The following EYS variants were observed in gnomAD, a reference collection of about 807,000 sequenced individuals.
EYS encodes the protein protein eyes shut homolog.
Under a neutral mutation model 282.1 loss-of-function variants are expected in EYS, and 250 were observed. The ratio of observed to expected loss-of-function variants is 0.89; its 90% confidence interval spans 0.80 to 0.98. The LOEUF is 0.98. EYS is among the 50% of genes least tolerant of loss of function. The probability of loss-of-function intolerance (pLI) is 0.00; values close to 1 mark genes in which losing one functional copy is unlikely to be tolerated. For synonymous variants in EYS, 1,355 were observed against 1,282.9 expected (o/e 1.06, Z -1.20); for missense variants, 4,016 against 3,709.0 (o/e 1.08, Z -2.15).
chr6:63,770,722 T>A (rs1562018304), intron 40 of EYS, among the ~76,000 whole-genome samples: 1 of 152,156 alleles, frequency 6.6e-6, no homozygotes, highest in Non-Finnish European at 1.5e-5. Context: ...AAGTGTGATA[T>A]GATGTATAAC....
At chr6:64,620,072 T>A (rs1767396529) in intron 23 of EYS, among the ~76,000 whole-genome samples, 1 of 151,958 alleles carries the variant, frequency 6.6e-6, no homozygotes, top group African/African-American at 2.4e-5. Flanking sequence ...GAAACAGAAA[T>A]CACTCTAGTT....
At chr6:65,669,512 GC>G (rs1768313407) in intron 1 of EYS, among the ~76,000 whole-genome samples, 1 of 151,948 alleles carries the variant, frequency 6.6e-6, no homozygotes, top group African/African-American at 2.4e-5. Context: ...GCCAGAGAAT[GC>G]TTTGTCCTTC....
chr6:63,984,512 A>G lies in EYS; in HGVS notation c.6926T>C (p.Ile2309Thr), dbSNP rs912425742. 1.9e-6 allele frequency: 3 copies of G among 1,549,568 alleles called. No individual in the cohort carries two copies. The highest frequency in any genetic ancestry group is 2.0e-5 in the Admixed American group (1 of 50,874). The change falls in exon 35 of 43, where the codon ATT becomes ACT. Residue 2309 changes from isoleucine (I) to threonine (T), a missense_variant. Ile to Thr is a moderately conservative substitution (Grantham distance 89). Coordinates refer to ENST00000503581, the MANE Select transcript of EYS (RefSeq NM_001142800.2). Reference sequence around the variant, plus strand: ...TTTGTTGTTTACTTGAAGGTCTAGAATGCAGCCCCTGAACCCATAAACAGG... The same window carrying G: ...TTTGTTGTTTACTTGAAGGTCTAGAGTGCAGCCCCTGAACCCATAAACAGG... ...AGPVYGFRGC[I>T]LDLQVNNKEF...
intron 29 of EYS, among the ~76,000 whole-genome samples, chr6:64,309,129 A>G (rs1291351859): frequency 6.6e-6 from 1 of 152,152 alleles, no homozygotes; most frequent in African/African-American, 2.4e-5. Flanking sequence ...TAAATCTGAC[A>G]TAGCTCAGCA....
intron 12 of EYS, among the ~76,000 whole-genome samples, chr6:65,104,489 T>C (rs577106851): frequency 6.6e-6 from 1 of 151,586 alleles, no homozygotes; most frequent in Admixed American, 6.6e-5. Flanking sequence ...TCATCCTAAA[T>C]GCAGATGTTG....
intron 31 of EYS, among the ~76,000 whole-genome samples, chr6:64,082,912 CTT>C (rs34941425): frequency 1.5e-4 from 22 of 142,466 alleles, no homozygotes; most frequent in Non-Finnish European, 2.3e-4. Flanking sequence ...AATGCAACTT[CTT>C]TTTTTTTTTT....
chr6:64,363,593 G>C (rs962561178), intron 29 of EYS, among the ~76,000 whole-genome samples: 5 of 151,668 alleles, frequency 3.3e-5, no homozygotes, highest in Admixed American at 3.3e-4. Flanking sequence ...TAAGTTACTT[G>C]TTTTTTTGTA....
chr6:65,094,541 A>G (rs1246770099), intron 12 of EYS, among the ~76,000 whole-genome samples: 1 of 151,424 alleles, frequency 6.6e-6, no homozygotes, highest in Non-Finnish European at 1.5e-5. Context: ...CCAACCACAA[A>G]GAAATGAAAC....
At chr6:64,514,758 TTG>T (rs1237660230) in intron 26 of EYS, among the ~76,000 whole-genome samples, 1 of 151,774 alleles carries the variant, frequency 6.6e-6, no homozygotes, top group Non-Finnish European at 1.5e-5. Context: ...AGCATCATAA[TTG>T]TCAAAGGAAG....
intron 2 of EYS, among the ~76,000 whole-genome samples, chr6:65,592,547 T>C (rs1306082266): frequency 6.6e-6 from 1 of 151,974 alleles, no homozygotes; most frequent in African/African-American, 2.4e-5. Flanking sequence ...GATAAGTGAT[T>C]GACATATGCT....
chr6:64,689,558 A>G (rs568543717), intron 22 of EYS, among the ~76,000 whole-genome samples: 2 of 152,090 alleles, frequency 1.3e-5, no homozygotes, highest in Non-Finnish European at 2.9e-5. Flanking sequence ...GAGGCATCAC[A>G]CTACCTGACT....
chr6:63,864,289 A>G lies in EYS; in HGVS notation c.7125T>C (p.Cys2375=), dbSNP rs2149709718. ...CACCATTTCCACATGGGTTGTTTTC[A>G]CAACTTGCAAACTGGCACAGCTTGC... ...YSGKLCQFAS[C]ENNPCGNGAT... is the part of the protein sequence containing the mutation. Residue 2375 remains cysteine (C), a synonymous_variant, in exon 36 of 43, where the codon TGT becomes TGC. Coordinates refer to ENST00000503581, the MANE Select transcript of EYS (RefSeq NM_001142800.2). 6 of 1,551,660 alleles carry G rather than the reference A, an allele frequency of 3.9e-6. No individual in the cohort carries two copies. Among genetic ancestry groups the G allele is most frequent in the Non-Finnish European group, 5.2e-6 (6 of 1,146,928 alleles).
chr6:64,350,500 C>A (rs1190183383), intron 29 of EYS, among the ~76,000 whole-genome samples: 1 of 151,436 alleles, frequency 6.6e-6, no homozygotes, highest in Non-Finnish European at 1.5e-5. Flanking sequence ...AAGGAGAGAG[C>A]CAGTTGTATG....
At chr6:64,343,098 A>T (rs1199819236) in intron 29 of EYS, among the ~76,000 whole-genome samples, 4 of 152,062 alleles carry the variant, frequency 2.6e-5, no homozygotes, top group African/African-American at 4.8e-5. Flanking sequence ...CTCCCACACA[A>T]TAATAATGGG....
At chr6:65,511,984 C>CAAAAAAA (rs11368301) in intron 2 of EYS, among the ~76,000 whole-genome samples, 2 of 94,832 alleles carry the variant, frequency 2.1e-5, no homozygotes, top group African/African-American at 5.0e-5. Context: ...AACTCTGTCT[C>CAAAAAAA]AAAAAAAAAA....
chr6:64,241,322 C>A (rs992962981), intron 30 of EYS, among the ~76,000 whole-genome samples: 5 of 152,102 alleles, frequency 3.3e-5, no homozygotes, highest in African/African-American at 7.2e-5. Flanking sequence ...AGGAATGGTA[C>A]CAGCACCTCT....
rs1766386079 is a variant in EYS, at chr6:64,590,916, G to A, written c.4951C>T (p.Leu1651=). The change falls in exon 26 of 43, where the codon CTA becomes TTA. Residue 1651 remains leucine (L), a synonymous_variant. Coordinates refer to ENST00000503581, the MANE Select transcript of EYS (RefSeq NM_001142800.2). ...AAATTAACATCCAAATTACTTGATA[G>A]GGTAATGGATTCTTCCAAGGATGAG... ...LSSSLEESIT[L]SSNLDVNLCL... The A allele has an allele frequency of 1.9e-6, 3 of 1,550,298 alleles. No individual in the cohort carries two copies. The South Asian group carries it at 3.6e-5, about 18-fold the overall frequency.
At chr6:63,796,579 A>C (rs1770650122) in intron 37 of EYS, among the ~76,000 whole-genome samples, 1 of 152,234 alleles carries the variant, frequency 6.6e-6, no homozygotes, top group Non-Finnish European at 1.5e-5. Context: ...TTATTTCTTC[A>C]AACTATTATT....
At chr6:65,439,778 A>T (rs1455554929) in intron 5 of EYS, among the ~76,000 whole-genome samples, 1 of 152,120 alleles carries the variant, frequency 6.6e-6, no homozygotes, top group African/African-American at 2.4e-5. Flanking sequence ...TTTCAACCCC[A>T]ATCATGCCCA....
Sources: allele counts gnomAD v4.1 joint callset (sites outside exome capture counted in the v4.1 genomes callset), GRCh38; gene constraint gnomAD v4.1.1; transcripts MANE v1.5; gene names NCBI Gene and HGNC (gene_info 2026-07-23, HGNC 2026-07-21).